The following CPNE4 variants were observed in gnomAD, a reference collection of about 807,000 sequenced individuals.
CPNE4 encodes the protein copine-4.
A neutral mutation model predicts 67.9 loss-of-function variants in CPNE4; 25 were observed. That is an observed-to-expected ratio of 0.37 (90% CI 0.27 to 0.51). The LOEUF (loss-of-function observed/expected upper bound fraction) is 0.51, where lower values mean the gene tolerates loss of function less well. Among genes scored for constraint, CPNE4 ranks in the 20% least tolerant of loss-of-function variants. The pLI is 0.93. For missense variants in CPNE4, 464 were observed against 690.8 expected, an observed-to-expected ratio of 0.67 and a Z score of 3.68; for synonymous variants, 242 against 244.9, an observed-to-expected ratio of 0.99 and a Z score of 0.11.
intron 7 of CPNE4, among the ~76,000 whole-genome samples, chr3:131,634,026 G>A (rs975819233): frequency 2.0e-5 from 3 of 152,060 alleles, no homozygotes; most frequent in Non-Finnish European, 4.4e-5. Context: ...ATAGAATTGT[G>A]GAGCTAAAAA....
intron 15 of CPNE4, among the ~76,000 whole-genome samples, chr3:131,541,417 A>C (rs1484427656): frequency 6.6e-6 from 1 of 152,142 alleles, no homozygotes; most frequent in African/African-American, 2.4e-5. Flanking sequence ...GCATTGTCTA[A>C]TGGTTCTGCC....
At chr3:131,661,833 G>C (rs1167894290) in intron 7 of CPNE4, among the ~76,000 whole-genome samples, 4 of 152,136 alleles carry the variant, frequency 2.6e-5, no homozygotes, top group Non-Finnish European at 5.9e-5. Context: ...GAAATGCCAG[G>C]TTCTTTGTTG....
At chr3:131,793,884 T>C (rs753300003) in intron 2 of CPNE4, among the ~76,000 whole-genome samples, 3 of 152,206 alleles carry the variant, frequency 2.0e-5, no homozygotes, top group Non-Finnish European at 2.9e-5. Context: ...CACTCACATA[T>C]CACATGCCCT....
At position 131,868,771 on chromosome 3, in the gene CPNE4, AC is replaced by A. The variant is rs549462261; in HGVS notation, c.180+36492del. ...TTGGCAGGTGTAAGCTGAAAGACAA[AC>A]CCTAATGGAACATCCATCAGTGATT... On this transcript the variant is annotated intron_variant, in intron 2 of 15. Coordinates refer to ENST00000429747, the MANE Select transcript of CPNE4 (RefSeq NM_130808.3). Among the ~76,000 whole-genome samples, 114 of 152,220 alleles carry A rather than the reference AC, an allele frequency of 7.5e-4. 5 individuals are homozygous for A. The South Asian group carries it at 0.023, about 31-fold the overall frequency.
rs148901938 is a variant in CPNE4 at position 131,895,562 on chromosome 3, AT to A, written c.180+9701del. 9.6e-3 allele frequency among the ~76,000 whole-genome samples: 846 copies of A among 87,762 alleles called. 8 individuals carry two copies. The highest frequency in any genetic ancestry group is 0.035 in the African/African-American group (784 of 22,718). 57.6% of individuals were successfully genotyped at this position (87,762 alleles called of 152,430 possible). ...TTCATCTTGATCCTGAGTTAATTTTATTTTTTTTGTTTTTCATAAACTGAAT... is the reference window on the plus strand; with the variant it reads ...TTCATCTTGATCCTGAGTTAATTTTATTTTTTTGTTTTTCATAAACTGAAT... On this transcript the variant is annotated intron_variant, in intron 2 of 15. Coordinates refer to ENST00000429747, the MANE Select transcript of CPNE4 (RefSeq NM_130808.3).
chr3:132,018,620 T>C (rs1442775790), intron 1 of CPNE4, among the ~76,000 whole-genome samples: 5 of 152,184 alleles, frequency 3.3e-5, no homozygotes, highest in South Asian at 2.1e-4. Flanking sequence ...GGAAAGACCA[T>C]TTAAACTTGT....
In CPNE4 at chr3:131,808,445, G is replaced by A. The variant is rs752934491; in HGVS notation, c.181-84820C>T. On this transcript the variant is annotated intron_variant, in intron 2 of 15. Transcript: ENST00000429747. ...AAATAAAAACCACAGTCACTATAAT[G>A]AGGAAATACTTTGATAAGGTGTCAG... Among the ~76,000 whole-genome samples, 8 of 152,030 alleles carry A rather than the reference G, an allele frequency of 5.3e-5. No individual in the cohort carries two copies. The South Asian group carries it at 1.5e-3, about 28-fold the overall frequency.
chr3:131,812,667 G>A (rs904492359), intron 2 of CPNE4, among the ~76,000 whole-genome samples: 1 of 152,204 alleles, frequency 6.6e-6, no homozygotes, highest in African/African-American at 2.4e-5. Context: ...AGCATTTACT[G>A]TGTTCCAAGC....
intron 5 of CPNE4, among the ~76,000 whole-genome samples, chr3:131,696,236 C>T (rs1029428202): frequency 6.6e-6 from 1 of 152,174 alleles, no homozygotes; most frequent in Admixed American, 6.5e-5. Context: ...CCTTTCATAT[C>T]TTCTCCTCTC....
At chr3:131,952,299 C>G (rs2071763317) in intron 1 of CPNE4, among the ~76,000 whole-genome samples, 1 of 151,442 alleles carries the variant, frequency 6.6e-6, no homozygotes, top group Non-Finnish European at 1.5e-5. Flanking sequence ...GCTGCCCCAT[C>G]TGAGAAGTGA....
intron 1 of CPNE4, among the ~76,000 whole-genome samples, chr3:131,950,453 G>A: frequency 6.6e-6 from 1 of 152,134 alleles, no homozygotes; most frequent in East Asian, 1.9e-4. Context: ...GTCAAACACA[G>A]ATAGGAAGCT....
intron 2 of CPNE4, among the ~76,000 whole-genome samples, chr3:131,750,261 A>T (rs940046370): frequency 6.6e-6 from 1 of 152,206 alleles, no homozygotes; most frequent in Non-Finnish European, 1.5e-5. Context: ...AGTGTTTATT[A>T]ATCCAACTTC....
intron 7 of CPNE4, among the ~76,000 whole-genome samples, chr3:131,639,604 T>C (rs1411662289): frequency 2.6e-5 from 4 of 152,078 alleles, no homozygotes; most frequent in African/African-American, 9.7e-5. Flanking sequence ...ACCAATTCTA[T>C]TGACGTTATT....
chr3:131,777,645 T>C (rs1399298387), intron 2 of CPNE4, among the ~76,000 whole-genome samples: 2 of 152,118 alleles, frequency 1.3e-5, no homozygotes, highest in African/African-American at 2.4e-5. Context: ...ATAGCAGCCA[T>C]AGAGACTCAA....
At chr3:131,617,124 C>T (rs1361606162) in intron 7 of CPNE4, among the ~76,000 whole-genome samples, 1 of 152,154 alleles carries the variant, frequency 6.6e-6, no homozygotes, top group Non-Finnish European at 1.5e-5. Flanking sequence ...TGCCTTTTCT[C>T]TATTTGGTCT....
intron 2 of CPNE4, among the ~76,000 whole-genome samples, chr3:131,835,400 G>A (rs769488954): frequency 1.1e-4 from 16 of 152,014 alleles, no homozygotes; most frequent in Non-Finnish European, 2.2e-4. Context: ...ATGGTGGGGC[G>A]TGCCTGTATT....
At chr3:131,552,044 C>T (rs567759512) in intron 13 of CPNE4, among the ~76,000 whole-genome samples, 4 of 134,732 alleles carry the variant, frequency 3.0e-5, no homozygotes, top group East Asian at 4.3e-4. Flanking sequence ...CTCCTTATAT[C>T]GGCACAGAGA....
intron 2 of CPNE4, among the ~76,000 whole-genome samples, chr3:131,785,213 C>T (rs1007491511): frequency 1.3e-5 from 2 of 152,076 alleles, no homozygotes; most frequent in African/African-American, 4.8e-5. Context: ...GCTGAGTAAA[C>T]TGAGGCTTAG....
intron 3 of CPNE4, among the ~76,000 whole-genome samples, chr3:131,700,788 T>C (rs140180265): frequency 0.12 from 18,753 of 152,008 alleles, 1,261 homozygotes; most frequent in African/African-American, 0.16. Context: ...TAAAGACACA[T>C]GCACATGTAT....
Sources: gnomAD v4.1 joint callset for allele counts (sites outside exome capture counted in the v4.1 genomes callset) on GRCh38, gnomAD v4.1.1 for gene constraint, MANE v1.5 for transcripts, NCBI Gene and HGNC (gene_info 2026-07-23, HGNC 2026-07-21) for gene names.